Variants in TANC1 observed in about 807,000 individuals in gnomAD.
TANC1 encodes protein TANC1.
In TANC1, 77 loss-of-function variants were observed where a neutral mutation model predicts 149.7. That is an observed-to-expected ratio of 0.51 (90% CI 0.43 to 0.62). The LOEUF (loss-of-function observed/expected upper bound fraction) is 0.62, where lower values mean the gene tolerates loss of function less well. TANC1 is among the 20% of genes least tolerant of loss of function. TANC1 has a pLI of 0.00. For synonymous variants in TANC1, 854 were observed against 925.0 expected, an observed-to-expected ratio of 0.92 and a Z score of 1.39; for missense variants, 1,985 against 2,321.8, an observed-to-expected ratio of 0.85 and a Z score of 2.98.
chr2:159,129,365 AATGTC>A (rs1161160359), intron 4 of TANC1, among the ~76,000 whole-genome samples: 1 of 152,168 alleles, frequency 6.6e-6, no homozygotes, highest in Non-Finnish European at 1.5e-5. Flanking sequence ...GTGTGATTAA[AATGTC>A]AAAAAGCAGG....
chr2:159,201,265 C>T (rs1365622891), intron 19 of TANC1, among the ~76,000 whole-genome samples: 4 of 152,174 alleles, frequency 2.6e-5, no homozygotes, highest in Admixed American at 2.6e-4. Flanking sequence ...GAGAGAACAT[C>T]TGCAAATATA....
At chr2:158,984,206 C>T (rs1278522783) in intron 1 of TANC1, among the ~76,000 whole-genome samples, 1 of 152,162 alleles carries the variant, frequency 6.6e-6, no homozygotes, top group East Asian at 1.9e-4. Context: ...AAATGTTTTG[C>T]TTCAACAAAA....
intron 3 of TANC1, among the ~76,000 whole-genome samples, chr2:159,078,065 T>C (rs899862963): frequency 1.3e-5 from 2 of 152,246 alleles, no homozygotes; most frequent in African/African-American, 2.4e-5. Flanking sequence ...GTTTATGGGC[T>C]ATTTGAAACC....
At position 159,163,529 on chromosome 2, in the gene TANC1, G is replaced by C. The variant is rs766595404; in HGVS notation, c.929G>C (p.Arg310Pro). 6.2e-7 allele frequency: 1 copy of C among 1,612,174 alleles called. No homozygotes were observed. Among genetic ancestry groups the C allele is most frequent in the Admixed American group, 1.7e-5 (1 of 60,008 alleles). ...GGCTCCAGCTCACTAATAATGCCAC[G>C]GCCCAACTCAGTTGCAGGTAAGGCC... ...SQGSSSLIMP[R>P]PNSVAATSST... Residue 310 changes from arginine to proline, a missense_variant, in exon 8 of 27, where the codon CGG becomes CCG. Arg to Pro is a moderately radical substitution (Grantham distance 103). Transcript: ENST00000263635.
At chr2:159,166,113 C>G (rs1167162467) in intron 8 of TANC1, among the ~76,000 whole-genome samples, 3 of 152,164 alleles carry the variant, frequency 2.0e-5, no homozygotes, top group Non-Finnish European at 4.4e-5. Context: ...ATGGACACCT[C>G]TTTCCTTTAT....
At chr2:159,077,389 A>G (rs2043806681) in intron 3 of TANC1, among the ~76,000 whole-genome samples, 1 of 152,192 alleles carries the variant, frequency 6.6e-6, no homozygotes, top group South Asian at 2.1e-4. Flanking sequence ...AACAAAACCT[A>G]TATGATGGTA....
intron 2 of TANC1, among the ~76,000 whole-genome samples, chr2:159,036,210 C>T (rs765713740): frequency 2.0e-5 from 3 of 152,108 alleles, no homozygotes; most frequent in Admixed American, 1.3e-4. Context: ...ATTTGAGCTA[C>T]GACTGTTCAC....
chr2:159,136,302 A>C lies in TANC1; in HGVS notation c.364+4A>C, dbSNP rs1411405425. On this transcript the variant is annotated splice_donor_region_variant and intron_variant, in intron 5 of 26. Coordinates refer to ENST00000263635, the MANE Select transcript of TANC1 (RefSeq NM_033394.3). ...CCAACAGAGCCTGATGAGCATGGTAAGAATTTCAGTGATTTCCTTCCCCCT... is the reference window on the plus strand; with the variant it reads ...CCAACAGAGCCTGATGAGCATGGTACGAATTTCAGTGATTTCCTTCCCCCT... 6.5e-7 allele frequency: 1 copy of C among 1,530,608 alleles called. No homozygotes were observed. Among genetic ancestry groups the C allele is most frequent in the East Asian group, 2.2e-5 (1 of 44,560 alleles). The allele number at this position is 1,530,608 out of a possible 1,614,324, so 94.8% of individuals were successfully genotyped here.
At chr2:159,118,031 C>T (rs1374204345) in intron 4 of TANC1, among the ~76,000 whole-genome samples, 1 of 151,918 alleles carries the variant, frequency 6.6e-6, no homozygotes, top group Non-Finnish European at 1.5e-5. Flanking sequence ...TGGTGTTTTT[C>T]TCATGATTAG....
rs185789078 is a variant in TANC1 at position 159,134,086 on chromosome 2, A to G, written c.260-2108A>G. 2.6e-5 allele frequency among the ~76,000 whole-genome samples: 4 copies of G among 152,254 alleles called. No individual in the cohort carries two copies. In the East Asian group the frequency reaches 5.8e-4, roughly 22 times the overall value. On this transcript the variant is annotated intron_variant, in intron 4 of 26. Coordinates refer to ENST00000263635, the MANE Select transcript of TANC1 (RefSeq NM_033394.3). ...TCTATCTGCATCACCCCATCATGAC[A>G]CAGTGGTGGAACTGGGCCCCTGGGA...
intron 16 of TANC1, among the ~76,000 whole-genome samples, chr2:159,188,835 G>A (rs1228756487): frequency 6.6e-6 from 1 of 152,232 alleles, no homozygotes; most frequent in African/African-American, 2.4e-5. Context: ...CAGAAGTTGA[G>A]AGATACCACC....
intron 4 of TANC1, among the ~76,000 whole-genome samples, chr2:159,098,919 A>G (rs2046399273): frequency 6.6e-6 from 1 of 152,036 alleles, no homozygotes; most frequent in Non-Finnish European, 1.5e-5. Flanking sequence ...GATTCTTCTC[A>G]ATTACATGTA....
intron 3 of TANC1, among the ~76,000 whole-genome samples, chr2:159,079,264 C>G (rs918095971): frequency 2.0e-5 from 3 of 151,280 alleles, no homozygotes; most frequent in African/African-American, 4.9e-5. Context: ...TTCCCGAACT[C>G]AAGCGATCCT....
Position 159,231,043 on chromosome 2 carries a change from G to T in TANC1, c.*31G>T. On this transcript the variant is annotated 3_prime_UTR_variant, in exon 27 of 27. Coordinates refer to ENST00000263635, the MANE Select transcript of TANC1 (RefSeq NM_033394.3). ...AAGAAATCCCCATTTGTGGAATTTGGAAACGTGTGTTGACTCCTGGTGGTA... is the reference window on the plus strand; with the variant it reads ...AAGAAATCCCCATTTGTGGAATTTGTAAACGTGTGTTGACTCCTGGTGGTA... 3 of 1,515,194 alleles carry T rather than the reference G, an allele frequency of 2.0e-6. No individual in the cohort carries two copies. The highest frequency in any genetic ancestry group is 2.7e-6 in the Non-Finnish European group (3 of 1,116,470). 93.9% of individuals were successfully genotyped at this position (1,515,194 alleles called of 1,614,324 possible). A position where few individuals can be genotyped will look rare whatever the true frequency, so the allele number is the denominator to read the frequency against.
rs567413679 is a variant in TANC1, at chr2:159,103,312, A to T, written c.259+5478A>T. 1.5e-4 allele frequency among the ~76,000 whole-genome samples: 14 copies of T among 95,762 alleles called. 4 individuals carry two copies. The East Asian group carries it at 3.3e-3, about 22-fold the overall frequency. 62.8% of individuals were successfully genotyped at this position (95,762 alleles called of 152,430 possible). A position where few individuals can be genotyped will look rare whatever the true frequency, so the allele number is the denominator to read the frequency against. On this transcript the variant is annotated intron_variant, in intron 4 of 26. Transcript: ENST00000263635. ...TGGCCTGCATTTATAAAGAGTCTTGATACATAGTGCCCACTTCCTTTCCAG... is the reference window on the plus strand; with the variant it reads ...TGGCCTGCATTTATAAAGAGTCTTGTTACATAGTGCCCACTTCCTTTCCAG...
chr2:159,228,614 A>G (rs2060161266), intron 25 of TANC1, 182 bp from the exon 26 acceptor site: 1 of 586,032 alleles, frequency 1.7e-6, no homozygotes, highest in Non-Finnish European at 3.1e-6. Flanking sequence ...TTCTTCTCCT[A>G]ATGATATTAA....
At chr2:158,981,693 C>A (rs1018196863) in intron 1 of TANC1, among the ~76,000 whole-genome samples, 4 of 151,260 alleles carry the variant, frequency 2.6e-5, no homozygotes, top group Non-Finnish European at 4.4e-5. Flanking sequence ...AGACTATAAA[C>A]CATGTGTCTC....
chr2:158,977,749 A>C (rs1445749347), intron 1 of TANC1, among the ~76,000 whole-genome samples: 5 of 152,138 alleles, frequency 3.3e-5, no homozygotes, highest in African/African-American at 1.2e-4. Context: ...AGATAAGAGT[A>C]GTAGCTGTCC....
chr2:159,078,965 TG>T (rs1157221713), intron 3 of TANC1, among the ~76,000 whole-genome samples: 1 of 85,254 alleles, frequency 1.2e-5, no homozygotes, highest in Non-Finnish European at 2.8e-5. Flanking sequence ...AGGGTTGTTT[TG>T]TTTTTGTATT....
Sources: gnomAD v4.1 joint callset for allele counts (sites outside exome capture counted in the v4.1 genomes callset) on GRCh38, gnomAD v4.1.1 for gene constraint, MANE v1.5 for transcripts, NCBI Gene and HGNC (gene_info 2026-07-23, HGNC 2026-07-21) for gene names.